The following CPD variants were observed in gnomAD, a reference collection of about 807,000 sequenced individuals.
CPD encodes carboxypeptidase D, also known as metallocarboxypeptidase D.
A neutral mutation model predicts 138.3 loss-of-function variants in CPD; 69 were observed. The ratio of observed to expected loss-of-function variants is 0.50; its 90% confidence interval spans 0.41 to 0.61. CPD has a LOEUF of 0.61. CPD is among the 20% of genes least tolerant of loss of function. CPD has a pLI of 0.00. For synonymous variants in CPD, 651 were observed against 642.1 expected (o/e 1.01, Z -0.21); for missense variants, 1,432 against 1,733.3 (o/e 0.83, Z 3.09).
rs574585715 is a variant in CPD, at chr17:30,434,807, A to T, written c.2127+2926A>T. ...CCACCCTTACCACCAAGACAAATAA[A>T]TAACCACACTGAGGTACCTGGATTT... On this transcript the variant is annotated intron_variant, in intron 8 of 20. Transcript: ENST00000225719. Among the ~76,000 whole-genome samples, 3 of 152,340 alleles carry T rather than the reference A, an allele frequency of 2.0e-5. No individual in the cohort carries two copies. In the South Asian group the frequency reaches 6.2e-4, roughly 32 times the overall value.
At chr17:30,406,222 A>C (rs1911797831) in intron 2 of CPD, among the ~76,000 whole-genome samples, 1 of 152,012 alleles carries the variant, frequency 6.6e-6, no homozygotes, top group African/African-American at 2.4e-5. Flanking sequence ...AATATTTTCT[A>C]TTTCCATTAG....
At position 30,386,014 on chromosome 17, in the gene CPD, C is replaced by A. The variant is rs1009401313; in HGVS notation, c.994+778C>A. The stretch of plus-strand genomic sequence containing the variant: ...ATGATGACCACCAGCAACCAGGTCT[C>A]TCCATTTAAATTTAAAATGTATATA... On this transcript the variant is annotated intron_variant, in intron 2 of 20. Transcript: ENST00000225719. Among the ~76,000 whole-genome samples the A allele has an allele frequency of 6.6e-5, 10 of 151,938 alleles. No individual in the cohort carries two copies. In the South Asian group the frequency reaches 1.9e-3, roughly 28 times the overall value.
At position 30,445,888 on chromosome 17, in the gene CPD, G is replaced by C. The variant is rs779579879; in HGVS notation, c.2741G>C (p.Gly914Ala). The C allele has an allele frequency of 8.1e-6, 13 of 1,614,016 alleles. No individual in the cohort carries two copies. The Admixed American group carries it at 1.0e-4, about 12-fold the overall frequency. Residue 914 changes from glycine to alanine, a missense_variant, in exon 12 of 21, where the codon GGT becomes GCT. This residue lies in a region of CPD where 124 missense variants were observed against 117.0 expected (regional missense o/e 1.06). Coordinates refer to ENST00000225719, the MANE Select transcript of CPD (RefSeq NM_001304.5). ...ATTAAAGACCTTTCAGCGGAGAATG[G>C]TTTGGAAAGCCTCATGTTACGCTCC... ...TLIKDLSAEN[G>A]LESLMLRSSS...
rs1045922513 is a variant in CPD, at chr17:30,445,884, A to G, written c.2737A>G (p.Asn913Asp). The G allele has an allele frequency of 2.5e-5, 41 of 1,614,016 alleles. No individual in the cohort carries two copies. The highest frequency in any genetic ancestry group is 3.4e-5 in the Non-Finnish European group (40 of 1,180,018). The change falls in exon 12 of 21, where the codon AAT (asparagine) becomes GAT (aspartate). Residue 913 changes from asparagine to aspartate, a missense_variant. Asn to Asp is a conservative substitution (Grantham distance 23, BLOSUM62 1). This residue lies in a region of CPD where 124 missense variants were observed against 117.0 expected (regional missense o/e 1.06). Transcript: ENST00000225719. ...ETLIKDLSAE[N>D]GLESLMLRSS... ...TTTAATTAAAGACCTTTCAGCGGAG[A>G]ATGGTTTGGAAAGCCTCATGTTACG...
chr17:30,456,134 T>C, intron 15 of CPD, 122 bp from the exon 16 acceptor site: 1 of 669,188 alleles, frequency 1.5e-6, no homozygotes. Flanking sequence ...ATAGTAACAG[T>C]ATACTTAAGT....
At chr17:30,423,070 C>G (rs1305324355) in intron 5 of CPD, 47 bp downstream of exon 5, 2 of 1,394,880 alleles carry the variant, frequency 1.4e-6, no homozygotes, top group East Asian at 4.6e-5. Flanking sequence ...CCCCTCAAAG[C>G]CATGTTCAAT....
intron 12 of CPD, among the ~76,000 whole-genome samples, chr17:30,446,700 A>AT (rs1286995342): frequency 6.6e-6 from 1 of 152,188 alleles, no homozygotes; most frequent in Non-Finnish European, 1.5e-5. Flanking sequence ...CAGTAATGGG[A>AT]TGGCTGGGTC....
intron 1 of CPD, among the ~76,000 whole-genome samples, chr17:30,383,606 T>C (rs571266747): frequency 1.8e-3 from 267 of 152,354 alleles, no homozygotes; most frequent in African/African-American, 6.2e-3. Flanking sequence ...AGTGTCCTTA[T>C]TGGCAAAGAT....
rs535181733 is a variant in CPD at position 30,442,354 on chromosome 17, G to A, written c.2277G>A (p.Val759=). 1.2e-6 allele frequency: 2 copies of A among 1,613,282 alleles called. No individual in the cohort carries two copies. The highest frequency in any genetic ancestry group is 2.2e-5 in the East Asian group (1 of 44,862). Residue 759 remains valine, a synonymous_variant, in exon 10 of 21, where the codon GTG becomes GTA. Coordinates refer to ENST00000225719, the MANE Select transcript of CPD (RefSeq NM_001304.5). ...WNYLQTNCFE[V]TIELGCVKYP... is the part of the protein sequence containing the mutation. ...ATTTACAAACAAATTGCTTTGAAGT[G>A]ACTATTGAACTAGGTTGTGTGAAAT...
chr17:30,456,313 C>G lies in CPD; in HGVS notation c.3395C>G (p.Ser1132Cys). The stretch of plus-strand genomic sequence containing the variant: ...TCTCTTTATGCAAATAATCATCCAT[C>G]CATGCACATGGGTCAGCCCAGTTGC... ...LASLYANNHPSMHMGQPSCPN... is the reference protein window; with the variant it reads ...LASLYANNHPCMHMGQPSCPN... Residue 1132 changes from serine (S) to cysteine (C), a missense_variant, in exon 16 of 21, where the codon TCC (serine) becomes TGC (cysteine). Around this residue, in one of 6 missense-constraint regions of CPD, gnomAD observed 366 missense variants for 518.8 expected, o/e 0.71. Transcript: ENST00000225719. 1 of 1,614,198 alleles carries G rather than the reference C, an allele frequency of 6.2e-7. No individual in the cohort carries two copies. Among genetic ancestry groups the G allele is most frequent in the Non-Finnish European group, 8.5e-7 (1 of 1,180,022 alleles).
At chr17:30,462,967 G>A (rs1005739957) in intron 20 of CPD, among the ~76,000 whole-genome samples, 5 of 152,218 alleles carry the variant, frequency 3.3e-5, no homozygotes, top group Admixed American at 6.5e-5. Context: ...GCTATTGTTT[G>A]TGGTTTAAGA....
chr17:30,391,439 A>T (rs1911355069), intron 2 of CPD, among the ~76,000 whole-genome samples: 1 of 152,218 alleles, frequency 6.6e-6, no homozygotes, highest in South Asian at 2.1e-4. Flanking sequence ...CCTTCTTTCA[A>T]ATTATACAAT....
chr17:30,449,697 T>C lies in CPD; in HGVS notation c.3018T>C (p.Ala1006=). 2.5e-6 allele frequency: 4 copies of C among 1,590,978 alleles called. No homozygotes were observed. Among genetic ancestry groups the C allele is most frequent in the Non-Finnish European group, 3.4e-6 (4 of 1,174,018 alleles). Residue 1006 remains alanine, a synonymous_variant, in exon 13 of 21, where the codon GCT becomes GCC. Transcript: ENST00000225719. ...CAGTTGGAACTGAACTGCTTTTGGCTCTGGCAGAATTTCTCTGCCTGAACT... is the reference window on the plus strand; with the variant it reads ...CAGTTGGAACTGAACTGCTTTTGGCCCTGGCAGAATTTCTCTGCCTGAACT... The part of the protein sequence containing the change: ...NAPVGTELLL[A]LAEFLCLNYK...
At chr17:30,426,288 G>A (rs60062014) in intron 6 of CPD, among the ~76,000 whole-genome samples, 13 of 151,932 alleles carry the variant, frequency 8.6e-5, no homozygotes, top group Admixed American at 2.6e-4. Flanking sequence ...CCATGGTATC[G>A]CAGTAAAGAG....
intron 2 of CPD, among the ~76,000 whole-genome samples, chr17:30,403,977 G>A (rs2143361899): frequency 6.6e-6 from 1 of 151,852 alleles, no homozygotes; most frequent in Middle Eastern, 3.4e-3. Context: ...AGTCTCAAAA[G>A]CATTATGCTA....
chr17:30,420,735 A>G (rs1441789865), intron 2 of CPD, 106 bp from the exon 3 acceptor site: 7 of 1,056,378 alleles, frequency 6.6e-6, no homozygotes, highest in South Asian at 6.0e-5. Context: ...TAATGAAAAG[A>G]AAAGAAAATT....
At chr17:30,464,567 A>G (rs773540520) in intron 20 of CPD, 21 bp from the exon 21 acceptor site, 1 of 1,599,746 alleles carries the variant, frequency 6.3e-7, no homozygotes, top group Non-Finnish European at 8.6e-7. Flanking sequence ...TATCACCCAC[A>G]TGATGGTTTT....
chr17:30,387,321 G>A (rs1192538259), intron 2 of CPD, among the ~76,000 whole-genome samples: 2 of 152,104 alleles, frequency 1.3e-5, no homozygotes, highest in Non-Finnish European at 2.9e-5. Context: ...GTTCCATCAT[G>A]TTGGCCAGGC....
At chr17:30,453,416 C>T (rs945689147) in intron 14 of CPD, among the ~76,000 whole-genome samples, 1 of 152,208 alleles carries the variant, frequency 6.6e-6, no homozygotes, top group Non-Finnish European at 1.5e-5. Flanking sequence ...AAATTTTCTC[C>T]TTTGACTCCA....
Sources: allele counts gnomAD v4.1 joint callset (sites outside exome capture counted in the v4.1 genomes callset), GRCh38; gene constraint gnomAD v4.1.1; regional missense constraint gnomAD v4.1.1; transcripts MANE v1.5; gene names NCBI Gene and HGNC (gene_info 2026-07-23, HGNC 2026-07-21).